LCOR: variants seen among roughly 807,000 people sequenced by gnomAD.
LCOR encodes ligand-dependent corepressor.
LCOR carries 14 observed loss-of-function variants against 64.4 expected under a neutral mutation model. The observed-to-expected ratio is 0.22, with a 90% CI of 0.14 to 0.34. The LOEUF (loss-of-function observed/expected upper bound fraction) is 0.34, where lower values mean the gene tolerates loss of function less well. Among genes scored for constraint, LCOR ranks in the 10% least tolerant of loss-of-function variants. LCOR has a pLI of 1.00. For missense variants in LCOR, 1,686 were observed against 1,765.3 expected (o/e 0.96, Z 0.80); for synonymous variants, 643 against 642.5 (o/e 1.00, Z -0.01).
rs778989142 is a variant in LCOR at position 96,984,903 on chromosome 10, G to A, written c.4443G>A (p.Arg1481=). 7 of 1,613,832 alleles carry A rather than the reference G, an allele frequency of 4.3e-6. No individual in the cohort carries two copies. Among genetic ancestry groups the A allele is most frequent in the Non-Finnish European group, 5.9e-6 (7 of 1,179,992 alleles). Residue 1481 remains arginine, a synonymous_variant, in exon 8 of 8, where the codon AGG becomes AGA. Transcript: ENST00000421806. The part of the protein sequence containing the change: ...SRKEKENTNK[R]PSQSIASETL... ...AAGAAAAAGAGAATACAAACAAAAG[G>A]CCTTCCCAGTCTATTGCCTCGGAAA... is the stretch of plus-strand genomic sequence containing the variant.
At chr10:96,904,784 C>T in intron 2 of LCOR, among the ~76,000 whole-genome samples, 1 of 151,910 alleles carries the variant, frequency 6.6e-6, no homozygotes, top group East Asian at 1.9e-4. Context: ...TATATTTGTT[C>T]TTCGCTTATT....
At chr10:96,840,530 T>G (rs924239438) in intron 2 of LCOR, among the ~76,000 whole-genome samples, 3 of 152,206 alleles carry the variant, frequency 2.0e-5, no homozygotes, top group African/African-American at 7.2e-5. Context: ...GGGTTTAGAC[T>G]AACGTTTCAA....
At chr10:96,978,335 GAGGAGCTTATTCC>G (rs1848054840) in intron 7 of LCOR, among the ~76,000 whole-genome samples, 1 of 152,234 alleles carries the variant, frequency 6.6e-6, no homozygotes, top group African/African-American at 2.4e-5. Context: ...TGCAAAGCAG[GAGGAGCTTATTCC>G]ATATGCTGCC....
In LCOR at chr10:96,982,334, C is replaced by T; in HGVS notation, c.1874C>T (p.Pro625Leu). 1.2e-6 allele frequency: 2 copies of T among 1,614,222 alleles called. No homozygotes were observed. Among genetic ancestry groups the T allele is most frequent in the Non-Finnish European group, 1.7e-6 (2 of 1,180,018 alleles). ...SLVWPLPAHL[P>L]EEDLPEGGST... ...GTGTGGCCTCTCCCTGCTCACCTTC[C>T]TGAAGAGGACCTGCCAGAAGGTGGC... Residue 625 changes from proline to leucine, a missense_variant, in exon 8 of 8, where the codon CCT becomes CTT. Physicochemically the swap from Pro to Leu is moderately conservative, Grantham distance 98. Coordinates refer to ENST00000421806, the MANE Select transcript of LCOR (RefSeq NM_001346516.2).
chr10:96,935,375 C>T (rs1847332141), intron 4 of LCOR, among the ~76,000 whole-genome samples: 3 of 152,024 alleles, frequency 2.0e-5, no homozygotes, highest in Admixed American at 6.5e-5. Context: ...TCTCAAATTC[C>T]TGACCTCAGG....
chr10:96,914,080 T>C (rs1846894805), intron 4 of LCOR, among the ~76,000 whole-genome samples: 1 of 152,044 alleles, frequency 6.6e-6, no homozygotes, highest in Admixed American at 6.6e-5. Context: ...AGCTCAGGAG[T>C]CATGTAACTA....
At chr10:96,843,524 A>G (rs1443770586) in intron 2 of LCOR, among the ~76,000 whole-genome samples, 5 of 152,132 alleles carry the variant, frequency 3.3e-5, no homozygotes, top group Admixed American at 2.0e-4. Flanking sequence ...TTTTCGATTC[A>G]GTATTTATCA....
At chr10:96,874,212 G>T (rs1846125389) in intron 2 of LCOR, among the ~76,000 whole-genome samples, 1 of 152,184 alleles carries the variant, frequency 6.6e-6, no homozygotes, top group Admixed American at 6.5e-5. Context: ...AATATTTACA[G>T]ATTTCTGCTG....
intron 4 of LCOR, among the ~76,000 whole-genome samples, chr10:96,942,762 A>C (rs531964822): frequency 2.0e-5 from 3 of 152,168 alleles, no homozygotes; most frequent in African/African-American, 7.2e-5. Flanking sequence ...GCATTATAAC[A>C]TGTCTTCAAT....
intron 5 of LCOR, among the ~76,000 whole-genome samples, chr10:96,945,869 T>A (rs1170397650): frequency 6.6e-6 from 1 of 152,008 alleles, no homozygotes; most frequent in Non-Finnish European, 1.5e-5. Context: ...ACTTTTCTGC[T>A]AGTCCTAAGC....
chr10:96,845,557 C>G (rs907779332), intron 2 of LCOR, among the ~76,000 whole-genome samples: 3 of 146,952 alleles, frequency 2.0e-5, no homozygotes, highest in Admixed American at 6.9e-5. Flanking sequence ...GGCTCTGCCC[C>G]CCGGGGTTCA....
Position 96,988,914 on chromosome 10 carries a change from A to G in LCOR, c.*3780A>G, listed in dbSNP as rs1589352933. On this transcript the variant is annotated 3_prime_UTR_variant, in exon 8 of 8. Coordinates refer to ENST00000421806, the MANE Select transcript of LCOR (RefSeq NM_001346516.2). ...TCGCACTGCAAGAGCAGAGTTGAGTAGCTGCGGCAGAGACCCGTGTGGCCC... is the reference window on the plus strand; with the variant it reads ...TCGCACTGCAAGAGCAGAGTTGAGTGGCTGCGGCAGAGACCCGTGTGGCCC... The G allele has an allele frequency of 6.6e-6, 1 of 152,260 alleles. No homozygotes were observed. Among genetic ancestry groups the G allele is most frequent in the East Asian group, 1.9e-4 (1 of 5,198 alleles). 9.4% of individuals were successfully genotyped at this position (152,260 alleles called of 1,614,324 possible). A position where few individuals can be genotyped will look rare whatever the true frequency, so the allele number is the denominator to read the frequency against.
intron 2 of LCOR, among the ~76,000 whole-genome samples, chr10:96,844,940 G>C (rs936477479): frequency 3.9e-5 from 6 of 152,168 alleles, no homozygotes; most frequent in African/African-American, 1.4e-4. Flanking sequence ...GGTTAAAGCA[G>C]ATTGAGGTCA....
chr10:96,981,931 T>C lies in LCOR; in HGVS notation c.1471T>C (p.Leu491=), dbSNP rs1848091236. 6.2e-7 allele frequency: 1 copy of C among 1,614,064 alleles called. No homozygotes were observed. Among genetic ancestry groups the C allele is most frequent in the Non-Finnish European group, 8.5e-7 (1 of 1,180,038 alleles). ...ECHFENQKSI[L]SSRKTARKST... ...CCACTTTGAGAATCAAAAATCAATA[T>C]TATCTTCTCGGAAAACAGCCAGAAA... is the stretch of plus-strand genomic sequence containing the variant. The change falls in exon 8 of 8, where the codon TTA becomes CTA. Residue 491 remains leucine (L), a synonymous_variant. Transcript: ENST00000421806.
intron 2 of LCOR, among the ~76,000 whole-genome samples, chr10:96,833,836 C>T (rs963304017): frequency 1.3e-5 from 2 of 152,150 alleles, no homozygotes; most frequent in African/African-American, 2.4e-5. Flanking sequence ...GCGGCAATTT[C>T]ATGCGGTGAG....
intron 2 of LCOR, among the ~76,000 whole-genome samples, chr10:96,882,387 A>G (rs1316176029): frequency 6.6e-6 from 1 of 152,222 alleles, no homozygotes; most frequent in Non-Finnish European, 1.5e-5. Flanking sequence ...TCTTTGATAC[A>G]ACACTAAACC....
At chr10:96,955,697 A>T in intron 7 of LCOR, 3 of 1,613,914 alleles carry the variant, frequency 1.9e-6, no homozygotes, top group Non-Finnish European at 2.5e-6. Context: ...AAGCAATCTC[A>T]GTGGTTATGA....
chr10:96,854,137 C>T (rs1734260702), intron 2 of LCOR, among the ~76,000 whole-genome samples: 1 of 152,172 alleles, frequency 6.6e-6, no homozygotes, highest in South Asian at 2.1e-4. Flanking sequence ...CAAGCCTCTG[C>T]TTGTATAATA....
chr10:96,981,235 A>T lies in LCOR; in HGVS notation c.775A>T (p.Asn259Tyr). Residue 259 changes from asparagine (N) to tyrosine (Y), a missense_variant, in exon 8 of 8, where the codon AAT becomes TAT. Around this residue, in one of 3 missense-constraint regions of LCOR, gnomAD observed 313 missense variants for 247.2 expected, o/e 1.27. Transcript: ENST00000421806. ...ELPTTKSNSI[N>Y]SSSVDSFTPG... The stretch of plus-strand genomic sequence containing the variant: ...TCCAACCACTAAATCGAATTCTATT[A>T]ATAGCAGTTCAGTGGATAGTTTCAC... 1 of 858,968 alleles carries T rather than the reference A, an allele frequency of 1.2e-6. No homozygotes were observed. The allele number at this position is 858,968 out of a possible 1,614,324, so 53.2% of individuals were successfully genotyped here.
Sources: gnomAD v4.1 joint callset for allele counts (sites outside exome capture counted in the v4.1 genomes callset) on GRCh38, gnomAD v4.1.1 for gene constraint, gnomAD v4.1.1 regional missense constraint, MANE v1.5 for transcripts, NCBI Gene and HGNC (gene_info 2026-07-23, HGNC 2026-07-21) for gene names.